Variants in TINAG observed in about 807,000 individuals in gnomAD.
The protein encoded by TINAG is tubulointerstitial nephritis antigen.
TINAG carries 83 observed loss-of-function variants against 72.7 expected under a neutral mutation model. The ratio of observed to expected loss-of-function variants is 1.14; its 90% CI spans 0.96 to 1.37. TINAG has a LOEUF of 1.37. Among genes scored for constraint, TINAG ranks in the 40% most tolerant of loss-of-function variants. The pLI is 0.00. For missense variants in TINAG, 685 were observed against 576.6 expected, an observed-to-expected ratio of 1.19 and a Z score of -1.93; for synonymous variants, 234 against 189.9, an observed-to-expected ratio of 1.23 and a Z score of -1.91.
chr6:54,342,361 CTTT>C (rs70983413), intron 4 of TINAG, among the ~76,000 whole-genome samples: 3 of 140,546 alleles, frequency 2.1e-5, no homozygotes, highest in Non-Finnish European at 1.6e-5. Context: ...TTCCTGAAGT[CTTT>C]TTTTTTTTTT....
intron 10 of TINAG, among the ~76,000 whole-genome samples, chr6:54,383,312 C>T (rs952456424): frequency 6.6e-6 from 1 of 152,008 alleles, no homozygotes; most frequent in African/African-American, 2.4e-5. Context: ...TTTATTTCTG[C>T]ACAATTATAT....
chr6:54,350,697 C>T (rs1480969860), intron 7 of TINAG, among the ~76,000 whole-genome samples: 1 of 148,986 alleles, frequency 6.7e-6, no homozygotes, highest in Non-Finnish European at 1.5e-5. Context: ...AAAACTTCAT[C>T]TTCTCTGTGA....
chr6:54,323,691 T>A (rs1317464426), intron 3 of TINAG, among the ~76,000 whole-genome samples: 1 of 152,346 alleles, frequency 6.6e-6, no homozygotes, highest in East Asian at 1.9e-4. Flanking sequence ...AAGTGGCTTA[T>A]GCCTGTAATC....
chr6:54,321,339 C>A lies in TINAG; in HGVS notation c.462C>A (p.Cys154Ter), dbSNP rs201601292. The A allele has an allele frequency of 7.1e-5, 115 of 1,613,586 alleles. No individual in the cohort carries two copies. Among genetic ancestry groups the A allele is most frequent in the Non-Finnish European group, 9.0e-5 (106 of 1,179,792 alleles). ...AATGGAAATGTTCCCAGCATGTATG[C>A]CTTGTTCGTTCAGAATTAATTGAAC... The part of the protein sequence containing the change: ...GQQWKCSQHV[C>*]LVRSELIEQV... The change falls in exon 3 of 11, where the codon TGC becomes TGA. Residue 154 changes from cysteine (C) to a stop codon, truncating the protein, a stop_gained. Transcript: ENST00000259782. LOFTEE classifies it high-confidence loss of function.
chr6:54,347,287 G>A (rs929101416), intron 5 of TINAG, 80 bp from the exon 6 acceptor site: 2 of 1,444,116 alleles, frequency 1.4e-6, no homozygotes, highest in African/African-American at 2.8e-5. Flanking sequence ...CTACGTTAGG[G>A]TTCAAACAAA....
In TINAG at chr6:54,389,819, G is replaced by T; in HGVS notation, c.1325G>T (p.Trp442Leu). Reference sequence around the variant, plus strand: ...GCTGCCAATTCCTGGGGAAAGTCATGGGGAGAGAATGGCTATTTCAGGATT... The same window carrying T: ...GCTGCCAATTCCTGGGGAAAGTCATTGGGAGAGAATGGCTATTTCAGGATT... ...WIAANSWGKS[W>L]GENGYFRILR... Residue 442 changes from tryptophan to leucine, a missense_variant, in exon 11 of 11, where the codon TGG (tryptophan) becomes TTG (leucine). By Grantham distance (61) the Trp-to-Leu change is moderately conservative (BLOSUM62 -2). Coordinates refer to ENST00000259782, the MANE Select transcript of TINAG (RefSeq NM_014464.4). 1 of 1,604,636 alleles carries T rather than the reference G, an allele frequency of 6.2e-7. No individual in the cohort carries two copies. The highest frequency in any genetic ancestry group is 8.5e-7 in the Non-Finnish European group (1 of 1,176,816).
At chr6:54,324,083 A>G (rs544828527) in intron 3 of TINAG, among the ~76,000 whole-genome samples, 5 of 152,246 alleles carry the variant, frequency 3.3e-5, no homozygotes, top group African/African-American at 9.6e-5. Flanking sequence ...AATTAGTGGC[A>G]CAAGTAATAA....
intron 9 of TINAG, among the ~76,000 whole-genome samples, chr6:54,373,483 T>A (rs566842635): frequency 6.6e-6 from 1 of 152,284 alleles, no homozygotes; most frequent in South Asian, 2.1e-4. Flanking sequence ...GCTTGTGTTA[T>A]TATCTGCTTC....
intron 1 of TINAG, among the ~76,000 whole-genome samples, chr6:54,312,606 T>A (rs1784283372): frequency 6.6e-6 from 1 of 152,018 alleles, no homozygotes; most frequent in African/African-American, 2.4e-5. Flanking sequence ...AGTAAAACAG[T>A]CTGAAGAGAA....
intron 1 of TINAG, among the ~76,000 whole-genome samples, chr6:54,315,331 C>G (rs958018281): frequency 2.0e-5 from 3 of 151,904 alleles, no homozygotes; most frequent in Admixed American, 2.0e-4. Flanking sequence ...TATCTTCTTT[C>G]TGTATTTTCT....
chr6:54,364,638 G>A (rs1763350673), intron 9 of TINAG, among the ~76,000 whole-genome samples: 1 of 151,194 alleles, frequency 6.6e-6, no homozygotes, highest in Non-Finnish European at 1.5e-5. Flanking sequence ...AAGTAATTAT[G>A]TAATAATAAG....
intron 7 of TINAG, 26 bp from the exon 8 acceptor site, chr6:54,351,326 T>A: frequency 6.3e-7 from 1 of 1,592,894 alleles, no homozygotes; most frequent in Middle Eastern, 1.7e-4. Context: ...AACAATGATA[T>A]TGCTTATTCA....
At chr6:54,325,378 T>C (rs755276630) in intron 3 of TINAG, among the ~76,000 whole-genome samples, 1 of 152,164 alleles carries the variant, frequency 6.6e-6, no homozygotes, top group Non-Finnish European at 1.5e-5. Context: ...AAATGCTAAA[T>C]TGGATTAAAA....
intron 9 of TINAG, among the ~76,000 whole-genome samples, chr6:54,362,902 A>G (rs1315680036): frequency 6.6e-6 from 1 of 151,608 alleles, no homozygotes; most frequent in African/African-American, 2.4e-5. Flanking sequence ...GGAAATAGAA[A>G]AACAACTAGA....
At chr6:54,346,565 A>G (rs149591274) in intron 5 of TINAG, among the ~76,000 whole-genome samples, 216 of 151,628 alleles carry the variant, frequency 1.4e-3, no homozygotes, top group Admixed American at 4.0e-3. Context: ...TATATAATGA[A>G]CTATATTATA....
At chr6:54,368,481 C>T (rs1171075236) in intron 9 of TINAG, among the ~76,000 whole-genome samples, 1 of 150,376 alleles carries the variant, frequency 6.6e-6, no homozygotes, top group African/African-American at 2.4e-5. Flanking sequence ...TTTCTTCAAA[C>T]TCTGAACTAA....
intron 4 of TINAG, chr6:54,327,239 C>A: frequency 1.4e-6 from 2 of 1,464,034 alleles, no homozygotes; most frequent in Non-Finnish European, 1.8e-6. Flanking sequence ...TCTGCATTAC[C>A]AACTGAGGTA....
chr6:54,365,982 T>G (rs9367567), intron 9 of TINAG, among the ~76,000 whole-genome samples: 1 of 151,580 alleles, frequency 6.6e-6, no homozygotes, highest in Non-Finnish European at 1.5e-5. Flanking sequence ...CTGGGCAACA[T>G]AGAGACCTTG....
chr6:54,338,473 G>A (rs9474810), intron 4 of TINAG, among the ~76,000 whole-genome samples: 11 of 152,112 alleles, frequency 7.2e-5, no homozygotes, highest in Admixed American at 2.6e-4. Flanking sequence ...TGTAATCTCA[G>A]CACTTTGGGA....
Sources: gnomAD v4.1 joint callset for allele counts (sites outside exome capture counted in the v4.1 genomes callset) on GRCh38, gnomAD v4.1.1 for gene constraint, MANE v1.5 for transcripts, NCBI Gene and HGNC (gene_info 2026-07-23, HGNC 2026-07-21) for gene names.